Variants in TRIM63 observed in about 807,000 individuals in gnomAD.
TRIM63 encodes E3 ubiquitin-protein ligase TRIM63.
Under a neutral mutation model 46.0 loss-of-function variants are expected in TRIM63, and 48 were observed. The observed-to-expected ratio is 1.04, with a 90% CI of 0.83 to 1.33. The LOEUF is 1.33. TRIM63 is among the 40% of genes most tolerant of loss of function. The pLI, the probability that TRIM63 is intolerant of heterozygous loss-of-function variation, is 0.00. For missense variants in TRIM63, 455 were observed against 441.2 expected (o/e 1.03, Z -0.28); for synonymous variants, 175 against 162.8 (o/e 1.08, Z -0.57).
At chr1:26,062,225 G>A (rs1298014827) in intron 2 of TRIM63, among the ~76,000 whole-genome samples, 1 of 148,462 alleles carries the variant, frequency 6.7e-6, no homozygotes, top group Non-Finnish European at 1.5e-5. Flanking sequence ...AGCCGAGATC[G>A]CACCATTGCA....
At chr1:26,057,959 G>T (rs977752514) in intron 5 of TRIM63, among the ~76,000 whole-genome samples, 1 of 152,082 alleles carries the variant, frequency 6.6e-6, no homozygotes, top group Admixed American at 6.6e-5. Context: ...CTAATGTCTA[G>T]CAAAAAGCCT....
chr1:26,065,404 C>G (rs1388743193), intron 2 of TRIM63, among the ~76,000 whole-genome samples: 1 of 152,078 alleles, frequency 6.6e-6, no homozygotes, highest in South Asian at 2.1e-4. Flanking sequence ...GGCTCTGCAG[C>G]CTTGACCTCC....
At chr1:26,066,871 G>C (rs895425943) in intron 1 of TRIM63, among the ~76,000 whole-genome samples, 1 of 151,534 alleles carries the variant, frequency 6.6e-6, no homozygotes, top group East Asian at 1.9e-4. Flanking sequence ...CTTTCTCGGG[G>C]AGTTGGAGCC....
At position 26,057,171 on chromosome 1, in the gene TRIM63, A is replaced by G. The variant is rs961324096; in HGVS notation, c.979+32T>C. On this transcript the variant is annotated intron_variant, in intron 7 of 8. Transcript: ENST00000374272. ...GCTGGTTTCCAGGGGTCAGGCAGGCAAATAGACAAGTGGCATCACCACCTC... is the reference window on the plus strand; with the variant it reads ...GCTGGTTTCCAGGGGTCAGGCAGGCGAATAGACAAGTGGCATCACCACCTC... 3 of 1,613,122 alleles carry G rather than the reference A, an allele frequency of 1.9e-6. No homozygotes were observed. In the African/African-American group the frequency reaches 4.0e-5, roughly 22 times the overall value.
At chr1:26,058,368 A>C in intron 5 of TRIM63, 22 bp downstream of exon 5, 1 of 1,606,576 alleles carries the variant, frequency 6.2e-7, no homozygotes, top group East Asian at 2.2e-5. Flanking sequence ...GACCCCACCC[A>C]GACCCTTCTA....
chr1:26,061,300 T>C lies in TRIM63; in HGVS notation c.367A>G (p.Lys123Glu), dbSNP rs1343331567. 22 of 1,614,186 alleles carry C rather than the reference T, an allele frequency of 1.4e-5. No individual in the cohort carries two copies. The highest frequency in any genetic ancestry group is 1.9e-5 in the Non-Finnish European group (22 of 1,180,014). Residue 123 changes from lysine to glutamate, a missense_variant, in exon 3 of 9, where the codon AAG becomes GAG. By Grantham distance (56) the Lys-to-Glu change is moderately conservative. Coordinates refer to ENST00000374272, the MANE Select transcript of TRIM63 (RefSeq NM_032588.4). ...PLQKGSHPMC[K>E]EHEDEKINIY... ...TTGATTTTCTCATCTTCGTGCTCCT[T>C]GCACATGGGGTGACTGCCCTTCTGC...
At chr1:26,056,696 C>A (rs1480406363) in intron 7 of TRIM63, among the ~76,000 whole-genome samples, 1 of 151,998 alleles carries the variant, frequency 6.6e-6, no homozygotes, top group Admixed American at 6.6e-5. Flanking sequence ...ATTTATGAAG[C>A]AGGAATTCTG....
At position 26,058,599 on chromosome 1, in the gene TRIM63, C is replaced by T. The variant is rs1456938045; in HGVS notation, c.622G>A (p.Glu208Lys). ...AACGTGTCAAACTTCTGGCTCAGCT[C>T]TTCCTTTACCTGGTGACTGTTCTCC... ...TKENSHQVKEELSQKFDTLYA... is the reference protein window; with the variant it reads ...TKENSHQVKEKLSQKFDTLYA... The change falls in exon 5 of 9, where the codon GAG becomes AAG. Residue 208 changes from glutamate to lysine, a missense_variant. Transcript: ENST00000374272. 6.2e-7 allele frequency: 1 copy of T among 1,614,174 alleles called. No individual in the cohort carries two copies. The highest frequency in any genetic ancestry group is 8.5e-7 in the Non-Finnish European group (1 of 1,180,038).
chr1:26,053,925 T>C lies in TRIM63; in HGVS notation c.1019A>G (p.Glu340Gly), dbSNP rs771981324. ...CTTCCCTTCTGTGGACTCTTCCTCT[T>C]CCTGATCTTCTTCTTCAATGAATTC... is the stretch of plus-strand genomic sequence containing the variant. ...EEEFIEEEDQ[E>G]EEESTEGKEE... Residue 340 changes from glutamate to glycine, a missense_variant, in exon 8 of 9, where the codon GAA (glutamate) becomes GGA (glycine). By Grantham distance (98) the Glu-to-Gly change is moderately conservative. Coordinates refer to ENST00000374272, the MANE Select transcript of TRIM63 (RefSeq NM_032588.4). The C allele has an allele frequency of 6.3e-7, 1 of 1,593,292 alleles. No homozygotes were observed. The highest frequency in any genetic ancestry group is 1.1e-5 in the South Asian group (1 of 87,926).
intron 6 of TRIM63, 44 bp downstream of exon 6, chr1:26,057,584 T>C (rs1223201272): frequency 6.3e-7 from 1 of 1,595,814 alleles, no homozygotes. Flanking sequence ...GAGGTCCTGG[T>C]GGGAACTAGG....
chr1:26,060,209 G>T, intron 4 of TRIM63, 57 bp downstream of exon 4: 1 of 1,522,676 alleles, frequency 6.6e-7, no homozygotes, highest in Non-Finnish European at 9.1e-7. Context: ...CTTCCCCAGA[G>T]ACCAGGCTGC....
chr1:26,057,625 G>A lies in TRIM63; in HGVS notation c.854+3C>T. The A allele has an allele frequency of 1.2e-6, 2 of 1,610,750 alleles. No individual in the cohort carries two copies. Among genetic ancestry groups the A allele is most frequent in the East Asian group, 2.2e-5 (1 of 44,814 alleles). On this transcript the variant is annotated splice_donor_region_variant and intron_variant, in intron 6 of 8. Coordinates refer to ENST00000374272, the MANE Select transcript of TRIM63 (RefSeq NM_032588.4). ...GGATCATAGCCTCTAGGAAGACACT[G>A]ACCTTTTGATGAGTTGCTTGGCAGT...
intron 8 of TRIM63, 82 bp downstream of exon 8, chr1:26,053,811 A>G: frequency 9.4e-7 from 1 of 1,061,078 alleles, no homozygotes; most frequent in South Asian, 1.3e-5. Flanking sequence ...TGTCTAACAC[A>G]GTGCTTCACA....
In TRIM63 at chr1:26,060,439, A is replaced by G; in HGVS notation, c.502-78T>C. 9 of 1,096,956 alleles carry G rather than the reference A, an allele frequency of 8.2e-6. No individual in the cohort carries two copies. In the South Asian group the frequency reaches 9.0e-5, roughly 11 times the overall value. 68.0% of individuals were successfully genotyped at this position (1,096,956 alleles called of 1,614,324 possible). A position where few individuals can be genotyped will look rare whatever the true frequency, so the allele number is the denominator to read the frequency against. ...CTACCCACTGGGGCATGGCAGCAAC[A>G]TGGCTTCCTCCCTCCCCTCTCTGCT... On this transcript the variant is annotated intron_variant, in intron 3 of 8. Transcript: ENST00000374272.
At chr1:26,052,737 G>C (rs935507443) in intron 8 of TRIM63, among the ~76,000 whole-genome samples, 1 of 152,134 alleles carries the variant, frequency 6.6e-6, no homozygotes, top group Admixed American at 6.5e-5. Flanking sequence ...AAAGTGCTAG[G>C]ATTACAGGCG....
chr1:26,063,703 T>C (rs1242024887), intron 2 of TRIM63, among the ~76,000 whole-genome samples: 1 of 152,194 alleles, frequency 6.6e-6, no homozygotes, highest in Non-Finnish European at 1.5e-5. Context: ...TGATTTCACC[T>C]CTCTTGCCTG....
At chr1:26,053,092 T>C (rs1162783713) in intron 8 of TRIM63, among the ~76,000 whole-genome samples, 1 of 151,996 alleles carries the variant, frequency 6.6e-6, no homozygotes, top group Non-Finnish European at 1.5e-5. Context: ...TACAGATATG[T>C]ACCACCATGC....
At chr1:26,053,750 CT>C in intron 8 of TRIM63, 142 bp downstream of exon 8, 1 of 617,086 alleles carries the variant, frequency 1.6e-6, no homozygotes, top group Non-Finnish European at 2.8e-6. Context: ...GGACTTTACC[CT>C]CAGTAGGGTT....
In TRIM63 at chr1:26,067,548, C is replaced by A; in HGVS notation, c.-54G>T. ...AGCTGCCTCCTCTACTAACTTTGCT[C>A]TAAGTAGACCTGGGGGTCTTGCCTT... is the stretch of plus-strand genomic sequence containing the variant. On this transcript the variant is annotated 5_prime_UTR_variant, in exon 1 of 9. Transcript: ENST00000374272. The A allele has an allele frequency of 6.3e-7, 1 of 1,590,102 alleles. No individual in the cohort carries two copies. The highest frequency in any genetic ancestry group is 8.6e-7 in the Non-Finnish European group (1 of 1,167,816).
Sources: allele counts gnomAD v4.1 joint callset (sites outside exome capture counted in the v4.1 genomes callset), GRCh38; gene constraint gnomAD v4.1.1; transcripts MANE v1.5; gene names NCBI Gene and HGNC (gene_info 2026-07-23, HGNC 2026-07-21).